CDKAL1: variants seen among roughly 807,000 people sequenced by gnomAD.
CDKAL1 encodes the protein threonylcarbamoyladenosine tRNA methylthiotransferase.
Under a neutral mutation model 68.2 loss-of-function variants are expected in CDKAL1, and 32 were observed. The ratio of observed to expected loss-of-function variants is 0.47; its 90% CI spans 0.35 to 0.63. The LOEUF is 0.63. Ranked by LOEUF, CDKAL1 falls within the 30% of genes least tolerant of loss-of-function variation. The pLI is 0.00. For missense variants in CDKAL1, 606 were observed against 696.7 expected (o/e 0.87, Z 1.47); for synonymous variants, 234 against 244.3 (o/e 0.96, Z 0.39).
At chr6:20,943,544 AT>A (rs976825677) in intron 9 of CDKAL1, among the ~76,000 whole-genome samples, 2 of 151,804 alleles carry the variant, frequency 1.3e-5, no homozygotes, top group African/African-American at 4.8e-5. Flanking sequence ...GTTCATTTTT[AT>A]TATGAATGTT....
chr6:20,744,581 C>T (rs953503123), intron 6 of CDKAL1, among the ~76,000 whole-genome samples: 3 of 152,086 alleles, frequency 2.0e-5, no homozygotes, highest in African/African-American at 7.2e-5. Context: ...GGTCCCTAGA[C>T]CACAGTGAGA....
At chr6:20,767,801 G>A (rs1323452071) in intron 7 of CDKAL1, among the ~76,000 whole-genome samples, 1 of 152,062 alleles carries the variant, frequency 6.6e-6, no homozygotes, top group African/African-American at 2.4e-5. Context: ...AGTTCATTCT[G>A]TAACACATTA....
intron 4 of CDKAL1, among the ~76,000 whole-genome samples, chr6:20,600,766 G>GTATACATATATATATATATATATATA (rs1313114105): frequency 3.3e-5 from 2 of 61,048 alleles, no homozygotes; most frequent in South Asian, 1.3e-3. Flanking sequence ...AGATATATAT[G>GTATACATATATATATATATATATATA]TATACATATA....
intron 7 of CDKAL1, among the ~76,000 whole-genome samples, chr6:20,766,938 T>C (rs1774728961): frequency 6.6e-6 from 1 of 152,206 alleles, no homozygotes; most frequent in South Asian, 2.1e-4. Context: ...ATTAATCATT[T>C]TGAGGCTTCC....
chr6:20,586,377 C>T (rs749186601), intron 4 of CDKAL1, among the ~76,000 whole-genome samples: 5 of 152,202 alleles, frequency 3.3e-5, no homozygotes, highest in Admixed American at 6.5e-5. Context: ...GTGGCTCACT[C>T]ATGTAATCCC....
At chr6:20,837,744 TATAATA>T (rs56163103) in intron 8 of CDKAL1, among the ~76,000 whole-genome samples, 1 of 148,006 alleles carries the variant, frequency 6.8e-6, no homozygotes, top group African/African-American at 2.5e-5. Context: ...CACTTCAGCA[TATAATA>T]ATAATAATAA....
At chr6:21,207,592 T>C (rs1778989098) in intron 15 of CDKAL1, among the ~76,000 whole-genome samples, 5 of 152,176 alleles carry the variant, frequency 3.3e-5, no homozygotes, top group Admixed American at 3.3e-4. Context: ...GAATTCTGGA[T>C]TCCGATTACC....
At chr6:20,540,084 T>C (rs994762506) in intron 2 of CDKAL1, among the ~76,000 whole-genome samples, 2 of 149,514 alleles carry the variant, frequency 1.3e-5, no homozygotes, top group African/African-American at 5.0e-5. Flanking sequence ...TGTCTTTTTT[T>C]TTTTTTTGAG....
chr6:20,797,202 G>A (rs1231118521), intron 8 of CDKAL1, among the ~76,000 whole-genome samples: 1 of 152,058 alleles, frequency 6.6e-6, no homozygotes, highest in Non-Finnish European at 1.5e-5. Context: ...ATTAAAATAC[G>A]GGTAAAAGAC....
At chr6:21,102,786 A>G (rs1363608159) in intron 12 of CDKAL1, among the ~76,000 whole-genome samples, 1 of 151,332 alleles carries the variant, frequency 6.6e-6, no homozygotes, top group Admixed American at 6.6e-5. Context: ...TGCCTCAGGC[A>G]CTCCTGCGTG....
At chr6:21,041,720 T>A (rs1226356544) in intron 11 of CDKAL1, among the ~76,000 whole-genome samples, 1 of 152,156 alleles carries the variant, frequency 6.6e-6, no homozygotes, top group Non-Finnish European at 1.5e-5. Context: ...TGTATAGCAT[T>A]TAAAATTTTT....
At chr6:20,897,258 G>A (rs1349496099) in intron 9 of CDKAL1, among the ~76,000 whole-genome samples, 2 of 152,176 alleles carry the variant, frequency 1.3e-5, no homozygotes, top group Non-Finnish European at 2.9e-5. Flanking sequence ...TTCACTTGTA[G>A]ACATTTGTTC....
At chr6:20,701,103 T>G (rs1771333481) in intron 5 of CDKAL1, among the ~76,000 whole-genome samples, 2 of 152,094 alleles carry the variant, frequency 1.3e-5, no homozygotes, top group South Asian at 4.2e-4. Context: ...ATTAAGCAGT[T>G]CTCCACCTTA....
At chr6:20,820,499 G>C (rs557148445) in intron 8 of CDKAL1, among the ~76,000 whole-genome samples, 1 of 152,116 alleles carries the variant, frequency 6.6e-6, no homozygotes, top group South Asian at 2.1e-4. Flanking sequence ...AAAATACCAG[G>C]TTGGAATTCT....
At chr6:21,164,104 A>G (rs1484235134) in intron 13 of CDKAL1, among the ~76,000 whole-genome samples, 1 of 151,976 alleles carries the variant, frequency 6.6e-6, no homozygotes, top group South Asian at 2.1e-4. Flanking sequence ...CCAGGATGAC[A>G]TTTTCACCAA....
At chr6:21,169,905 G>A (rs1005305040) in intron 13 of CDKAL1, among the ~76,000 whole-genome samples, 1 of 141,810 alleles carries the variant, frequency 7.1e-6, no homozygotes, top group Non-Finnish European at 1.5e-5. Flanking sequence ...TCTCTCACCA[G>A]AACAGTACGG....
intron 5 of CDKAL1, among the ~76,000 whole-genome samples, chr6:20,689,702 G>T (rs1490764245): frequency 6.6e-6 from 1 of 152,010 alleles, no homozygotes; most frequent in African/African-American, 2.4e-5. Context: ...CTTGTTAAAG[G>T]TTTATGTTGT....
At chr6:21,164,444 C>T (rs1169532975) in intron 13 of CDKAL1, among the ~76,000 whole-genome samples, 3 of 151,492 alleles carry the variant, frequency 2.0e-5, no homozygotes, top group East Asian at 1.9e-4. Context: ...ATAGCAGCCA[C>T]TGTAACCTAC....
At chr6:20,776,955 G>A (rs1775198878) in intron 7 of CDKAL1, among the ~76,000 whole-genome samples, 1 of 152,162 alleles carries the variant, frequency 6.6e-6, no homozygotes, top group South Asian at 2.1e-4. Context: ...TTGGAGAACT[G>A]TCAGGTTCAG....
Sources: allele counts gnomAD v4.1 joint callset (sites outside exome capture counted in the v4.1 genomes callset), GRCh38; gene constraint gnomAD v4.1.1; transcripts MANE v1.5; gene names NCBI Gene and HGNC (gene_info 2026-07-23, HGNC 2026-07-21).